PDZD2: variants seen among roughly 807,000 people sequenced by gnomAD.
PDZD2 encodes the protein PDZ domain containing 2.
Under a neutral mutation model 220.7 loss-of-function variants are expected in PDZD2, and 90 were observed. That is an observed-to-expected ratio of 0.41 (90% CI 0.34 to 0.49). PDZD2 has a LOEUF of 0.49. Among genes scored for constraint, PDZD2 ranks in the 20% least tolerant of loss-of-function variants. The pLI, the probability that PDZD2 is intolerant of heterozygous loss-of-function variation, is 0.28. For missense variants in PDZD2, 3,174 were observed against 3,608.5 expected (o/e 0.88, Z 3.08); for synonymous variants, 1,375 against 1,450.5 (o/e 0.95, Z 1.18).
intron 1 of PDZD2, among the ~76,000 whole-genome samples, chr5:31,644,852 AT>A (rs1177384555): frequency 1.3e-5 from 2 of 152,214 alleles, no homozygotes; most frequent in East Asian, 3.8e-4. Context: ...TGACAAAGTT[AT>A]TCTTGGATTA....
intron 2 of PDZD2, among the ~76,000 whole-genome samples, chr5:31,947,632 C>T (rs528537972): frequency 1.3e-5 from 2 of 152,234 alleles, no homozygotes; most frequent in Admixed American, 1.3e-4. Context: ...CCCAGGAATT[C>T]AAGACCAGCT....
At chr5:31,932,626 C>G (rs987922518) in intron 2 of PDZD2, among the ~76,000 whole-genome samples, 1 of 152,154 alleles carries the variant, frequency 6.6e-6, no homozygotes, top group Non-Finnish European at 1.5e-5. Context: ...TAAAAGTTCT[C>G]ATTTTAATAA....
intron 2 of PDZD2, among the ~76,000 whole-genome samples, chr5:31,816,428 C>A (rs1355679435): frequency 6.6e-6 from 1 of 152,078 alleles, no homozygotes; most frequent in Non-Finnish European, 1.5e-5. Context: ...ACAAACATGT[C>A]TCTCCAAGGT....
intron 2 of PDZD2, among the ~76,000 whole-genome samples, chr5:31,839,850 G>C (rs892518714): frequency 2.0e-5 from 3 of 152,168 alleles, no homozygotes; most frequent in African/African-American, 7.2e-5. Context: ...GGTTTTACAA[G>C]GGGCTTTTCC....
intron 1 of PDZD2, among the ~76,000 whole-genome samples, chr5:31,733,992 T>C (rs1051013898): frequency 5.3e-5 from 8 of 152,190 alleles, no homozygotes; most frequent in Non-Finnish European, 1.0e-4. Flanking sequence ...CCATTTCAGA[T>C]ACCAATATGA....
chr5:32,006,847 A>T (rs1055909445), intron 5 of PDZD2, among the ~76,000 whole-genome samples: 1 of 147,610 alleles, frequency 6.8e-6, no homozygotes, highest in Non-Finnish European at 1.5e-5. Flanking sequence ...GTGCCACCGC[A>T]TCTGGCTAAT....
At chr5:31,967,277 A>G (rs1257773046) in intron 2 of PDZD2, among the ~76,000 whole-genome samples, 3 of 152,186 alleles carry the variant, frequency 2.0e-5, no homozygotes, top group Non-Finnish European at 2.9e-5. Flanking sequence ...GAGGAGCATC[A>G]AGTGCCTTCT....
intron 15 of PDZD2, among the ~76,000 whole-genome samples, chr5:32,070,760 C>T (rs1740662745): frequency 6.6e-6 from 1 of 152,240 alleles, no homozygotes; most frequent in Non-Finnish European, 1.5e-5. Context: ...CTTTGGGAGG[C>T]CAAGGCGGGC....
chr5:31,713,317 G>C (rs750339433), intron 1 of PDZD2, among the ~76,000 whole-genome samples: 1 of 152,170 alleles, frequency 6.6e-6, no homozygotes, highest in Admixed American at 6.5e-5. Context: ...TCTGCTGGAC[G>C]ACCCTAGCTT....
At chr5:31,960,994 A>G (rs1737659814) in intron 2 of PDZD2, among the ~76,000 whole-genome samples, 1 of 152,152 alleles carries the variant, frequency 6.6e-6, no homozygotes. Flanking sequence ...CCATCACTCA[A>G]TTTTTGAACC....
In PDZD2 at chr5:31,793,158, A is replaced by G. The variant is rs140487103; in HGVS notation, c.-360-5731A>G. Among the ~76,000 whole-genome samples, 646 of 150,864 alleles carry G rather than the reference A, an allele frequency of 4.3e-3. 3 individuals are homozygous for G. Among genetic ancestry groups the G allele is most frequent in the African/African-American group, 0.014 (565 of 41,002 alleles). On this transcript the variant is annotated intron_variant, in intron 1 of 24. Transcript: ENST00000438447. ...CCGGCCAAAGGTGCTTATTTAGAAC[A>G]GTGTCTCACACACAGTTATGCTCAG...
chr5:31,710,787 G>A (rs1748055886), intron 1 of PDZD2, among the ~76,000 whole-genome samples: 1 of 149,502 alleles, frequency 6.7e-6, no homozygotes, highest in African/African-American at 2.5e-5. Context: ...TTGCACTCCA[G>A]CCTGGGCGAC....
At position 32,090,062 on chromosome 5, in the gene PDZD2, G is replaced by T; in HGVS notation, c.6614G>T (p.Gly2205Val). ...RGVPRNSIPG[G>V]PSGEDHLYFT... ...GTGCCCAGAAACAGCATTCCAGGGG[G>T]CCCCTCGGGGGAGGACCATCTCTAC... Residue 2205 changes from glycine (G) to valine (V), a missense_variant, in exon 20 of 25, where the codon GGC becomes GTC. Coordinates refer to ENST00000438447, the MANE Select transcript of PDZD2 (RefSeq NM_178140.4). This position sits in a 1 kb window ranked among gnomAD's most constrained non-coding sequence, Gnocchi z 4.3. The T allele has an allele frequency of 6.2e-7, 1 of 1,613,508 alleles. No homozygotes were observed. The highest frequency in any genetic ancestry group is 8.5e-7 in the Non-Finnish European group (1 of 1,179,848).
At chr5:31,766,515 G>A (rs963295012) in intron 1 of PDZD2, among the ~76,000 whole-genome samples, 1 of 151,838 alleles carries the variant, frequency 6.6e-6, no homozygotes, top group Non-Finnish European at 1.5e-5. Context: ...CATCATCCCC[G>A]AGTAGGTGGG....
intron 14 of PDZD2, among the ~76,000 whole-genome samples, chr5:32,068,338 G>A (rs578033735): frequency 3.7e-4 from 56 of 152,180 alleles, no homozygotes; most frequent in African/African-American, 1.3e-3. Flanking sequence ...AACAATTTTC[G>A]TAATAAAACA....
chr5:31,654,251 G>T (rs1745460349), intron 1 of PDZD2, among the ~76,000 whole-genome samples: 1 of 152,120 alleles, frequency 6.6e-6, no homozygotes, highest in East Asian at 1.9e-4. Context: ...ACACACACAG[G>T]TCATCCCTCC....
At chr5:31,783,887 C>T (rs563167555) in intron 1 of PDZD2, among the ~76,000 whole-genome samples, 3 of 152,242 alleles carry the variant, frequency 2.0e-5, no homozygotes, top group African/African-American at 7.2e-5. Context: ...TGGATGAGAA[C>T]CTGCCTTCCA....
At chr5:31,961,686 C>T (rs929281164) in intron 2 of PDZD2, among the ~76,000 whole-genome samples, 1 of 152,090 alleles carries the variant, frequency 6.6e-6, no homozygotes, top group Admixed American at 6.6e-5. Flanking sequence ...GCTCTGTCGC[C>T]CAGGCTGGAG....
chr5:32,059,152 A>G (rs983573905), intron 12 of PDZD2, 87 bp from the exon 13 acceptor site: 1 of 714,900 alleles, frequency 1.4e-6, no homozygotes, highest in Non-Finnish European at 2.5e-6. Context: ...CTGAATAGAT[A>G]TTAATTCTGT....
Sources: allele counts gnomAD v4.1 joint callset (sites outside exome capture counted in the v4.1 genomes callset), GRCh38; gene constraint gnomAD v4.1.1; non-coding constraint Gnocchi (gnomAD v3.1); transcripts MANE v1.5; gene names NCBI Gene and HGNC (gene_info 2026-07-23, HGNC 2026-07-21).